PDS5B: variants seen among roughly 807,000 people sequenced by gnomAD.
PDS5B encodes the protein sister chromatid cohesion protein PDS5 homolog B.
In PDS5B, 51 loss-of-function variants were observed where a neutral mutation model predicts 184.1. The observed-to-expected ratio is 0.28, with a 90% confidence interval of 0.22 to 0.35. PDS5B has a LOEUF of 0.35. Among genes scored for constraint, PDS5B ranks in the 10% least tolerant of loss-of-function variants. The pLI, the probability that PDS5B is intolerant of heterozygous loss-of-function variation, is 1.00. For synonymous variants in PDS5B, 566 were observed against 569.2 expected (o/e 0.99, Z 0.08); for missense variants, 1,180 against 1,723.3 (o/e 0.68, Z 5.58).
intron 33 of PDS5B, 101 bp downstream of exon 33, chr13:32,770,862 T>G: frequency 1.2e-6 from 1 of 848,682 alleles, no homozygotes; most frequent in South Asian, 1.7e-5. Context: ...TCCATATATT[T>G]AGCCCCATTA....
intron 19 of PDS5B, among the ~76,000 whole-genome samples, chr13:32,730,303 A>G (rs1019231200): frequency 3.3e-5 from 5 of 151,874 alleles, no homozygotes; most frequent in Admixed American, 6.6e-5. Flanking sequence ...CCATTGGTCT[A>G]TTTATCTGTT....
intron 5 of PDS5B, 47 bp from the exon 6 acceptor site, chr13:32,659,107 C>T: frequency 7.0e-7 from 1 of 1,429,490 alleles, no homozygotes; most frequent in Non-Finnish European, 9.4e-7. Context: ...AGAGTAAATC[C>T]TGTATATCTC....
intron 17 of PDS5B, among the ~76,000 whole-genome samples, chr13:32,702,857 A>G (rs1476202686): frequency 2.6e-5 from 4 of 152,156 alleles, no homozygotes; most frequent in African/African-American, 9.7e-5. Flanking sequence ...GATGATTGAG[A>G]TGATGGCTAG....
intron 17 of PDS5B, among the ~76,000 whole-genome samples, chr13:32,704,502 CA>C (rs1951950814): frequency 6.6e-6 from 1 of 152,204 alleles, no homozygotes. Flanking sequence ...TGATCCTAGC[CA>C]AAAGGCTGAG....
At chr13:32,717,708 A>C (rs550531031) in intron 19 of PDS5B, among the ~76,000 whole-genome samples, 51 of 148,072 alleles carry the variant, frequency 3.4e-4, no homozygotes, top group African/African-American at 7.8e-4. Context: ...AAAAATAAAT[A>C]AATCAATAAA....
intron 1 of PDS5B, among the ~76,000 whole-genome samples, chr13:32,615,801 A>G (rs1426501338): frequency 2.6e-5 from 4 of 152,218 alleles, no homozygotes; most frequent in African/African-American, 9.6e-5. Context: ...TAGAAAGTAC[A>G]TATAAGTAAC....
chr13:32,646,255 C>A (rs1950220531), intron 1 of PDS5B, among the ~76,000 whole-genome samples: 2 of 152,094 alleles, frequency 1.3e-5, no homozygotes, highest in South Asian at 4.1e-4. Flanking sequence ...GATCCACCTG[C>A]CTTAGCCTTC....
At chr13:32,654,667 C>G (rs1194450996) in intron 3 of PDS5B, among the ~76,000 whole-genome samples, 1 of 152,070 alleles carries the variant, frequency 6.6e-6, no homozygotes, top group African/African-American at 2.4e-5. Flanking sequence ...AGGTAGTTTT[C>G]CGATCCTCAC....
intron 25 of PDS5B, among the ~76,000 whole-genome samples, chr13:32,754,049 T>C (rs1417620884): frequency 6.6e-6 from 1 of 152,174 alleles, no homozygotes; most frequent in African/African-American, 2.4e-5. Context: ...GCATTATTCA[T>C]ACCTTTTTTC....
chr13:32,587,027 C>A (rs1395516963), intron 1 of PDS5B, among the ~76,000 whole-genome samples: 2 of 145,162 alleles, frequency 1.4e-5, no homozygotes, highest in African/African-American at 4.9e-5. Flanking sequence ...CCCCTCCCCC[C>A]GCGCCCCGGC....
intron 13 of PDS5B, among the ~76,000 whole-genome samples, chr13:32,693,720 A>G (rs906423332): frequency 3.5e-4 from 53 of 150,836 alleles, no homozygotes; most frequent in Admixed American, 2.4e-3. Flanking sequence ...TGTTGCTTAT[A>G]TATCGAGTAC....
At chr13:32,760,752 T>G (rs1593630309) in intron 30 of PDS5B, 32 bp downstream of exon 30, 1 of 1,595,710 alleles carries the variant, frequency 6.3e-7, no homozygotes, top group Admixed American at 1.7e-5. Flanking sequence ...CAATTTACAT[T>G]TAAGGATTCC....
At chr13:32,741,299 G>A (rs535317890) in intron 22 of PDS5B, 151 bp downstream of exon 22, 116 of 487,926 alleles carry the variant, frequency 2.4e-4, no homozygotes, top group Non-Finnish European at 4.0e-4. Flanking sequence ...TGAGACTATA[G>A]GGTAATAATG....
At chr13:32,715,531 G>A (rs1952353492) in intron 19 of PDS5B, among the ~76,000 whole-genome samples, 1 of 152,150 alleles carries the variant, frequency 6.6e-6, no homozygotes. Context: ...TAAGAATGAT[G>A]TAAATAAGTT....
chr13:32,595,057 G>T (rs1256933009), intron 1 of PDS5B, among the ~76,000 whole-genome samples: 1 of 151,892 alleles, frequency 6.6e-6, no homozygotes, highest in African/African-American at 2.4e-5. Flanking sequence ...TCTTTTTCTA[G>T]TGCACTGTTG....
intron 1 of PDS5B, among the ~76,000 whole-genome samples, chr13:32,612,553 C>G (rs201597586): frequency 2.0e-5 from 3 of 152,196 alleles, no homozygotes; most frequent in Non-Finnish European, 4.4e-5. Context: ...CCAATGCCGT[C>G]TGCTATGGTT....
chr13:32,595,542 G>A (rs754644929), intron 1 of PDS5B, among the ~76,000 whole-genome samples: 1 of 152,094 alleles, frequency 6.6e-6, no homozygotes, highest in Admixed American at 6.5e-5. Flanking sequence ...ACATAGCATG[G>A]GATTTCCACA....
At chr13:32,697,506 A>G (rs779087030) in intron 15 of PDS5B, among the ~76,000 whole-genome samples, 6 of 152,224 alleles carry the variant, frequency 3.9e-5, no homozygotes, top group Non-Finnish European at 5.9e-5. Flanking sequence ...GAGATGCTAA[A>G]TATTCCAAGA....
intron 33 of PDS5B, among the ~76,000 whole-genome samples, chr13:32,771,940 T>C (rs1247780862): frequency 6.7e-6 from 1 of 150,282 alleles, no homozygotes; most frequent in Middle Eastern, 3.4e-3. Flanking sequence ...AAACAAGTAT[T>C]TCTTAAAAAA....
Sources: allele counts gnomAD v4.1 joint callset (sites outside exome capture counted in the v4.1 genomes callset), GRCh38; gene constraint gnomAD v4.1.1; transcripts MANE v1.5; gene names NCBI Gene and HGNC (gene_info 2026-07-23, HGNC 2026-07-21).